TREML4: variants seen among roughly 807,000 people sequenced by gnomAD.
TREML4 encodes the protein triggering receptor expressed on myeloid cells like 4.
In TREML4, 25 loss-of-function variants were observed where a neutral mutation model predicts 25.4. That is an observed-to-expected ratio of 0.98 (90% CI 0.72 to 1.37). The LOEUF (loss-of-function observed/expected upper bound fraction) is 1.37. Among genes scored for constraint, TREML4 ranks in the 40% most tolerant of loss-of-function variants. The pLI, the probability that TREML4 is intolerant of heterozygous loss-of-function variation, is 0.00. For synonymous variants in TREML4, 92 were observed against 87.9 expected (o/e 1.05, Z -0.26); for missense variants, 268 against 236.5 (o/e 1.13, Z -0.87).
At chr6:41,229,767 A>T in intron 3 of TREML4, 196 bp downstream of exon 3, 1 of 664,714 alleles carries the variant, frequency 1.5e-6, no homozygotes, top group South Asian at 1.7e-5. Context: ...TGATCAGAAG[A>T]TCGCCATGTT....
At chr6:41,229,204 C>T (rs1219677349) in intron 2 of TREML4, among the ~76,000 whole-genome samples, 160 bp downstream of exon 2, 2 of 152,058 alleles carry the variant, frequency 1.3e-5, no homozygotes, top group Non-Finnish European at 2.9e-5. Flanking sequence ...TGGACTCTCA[C>T]CTCTCCTCCA....
intron 3 of TREML4, 77 bp from the exon 4 acceptor site, chr6:41,229,985 C>G (rs569255346): frequency 5.8e-5 from 75 of 1,287,838 alleles, no homozygotes; most frequent in Non-Finnish European, 7.5e-5. Flanking sequence ...TCCCCTTCCT[C>G]TCACACTTTT....
intron 4 of TREML4, among the ~76,000 whole-genome samples, 154 bp downstream of exon 4, chr6:41,230,276 A>G (rs1766767459): frequency 1.3e-5 from 2 of 152,182 alleles, no homozygotes; most frequent in Admixed American, 6.5e-5. Context: ...GCCATGACTC[A>G]AAATTTGGTA....
chr6:41,229,372 C>T, intron 2 of TREML4, 149 bp from the exon 3 acceptor site: 3 of 828,718 alleles, frequency 3.6e-6, no homozygotes, highest in Non-Finnish European at 6.2e-6. Flanking sequence ...ACCAACAACT[C>T]TGTCATGCAG....
intron 4 of TREML4, 135 bp from the exon 5 acceptor site, chr6:41,236,351 C>A: frequency 1.0e-5 from 7 of 675,740 alleles, no homozygotes; most frequent in South Asian, 9.2e-5. Flanking sequence ...CTGCCCCACA[C>A]CCCTCTGTCA....
In TREML4 at chr6:41,236,561, G is replaced by C. The variant is rs767367323; in HGVS notation, c.582G>C (p.Leu194=). The C allele has an allele frequency of 6.2e-7, 1 of 1,613,932 alleles. No homozygotes were observed. The highest frequency in any genetic ancestry group is 1.3e-5 in the African/African-American group (1 of 74,920). Residue 194 remains leucine (L), a synonymous_variant, in exon 5 of 6, where the codon CTG becomes CTC. Coordinates refer to ENST00000341495, the MANE Select transcript of TREML4 (RefSeq NM_198153.3). ...FLVLVLCGLL[L]AKGLML is the part of the protein sequence containing the mutation. ...TCTTGGTGCTATGTGGACTCCTCCT[G>C]GCCAAGGGCCTGATGTTGTGAGTCC...
chr6:41,231,861 G>A (rs1766806374), intron 4 of TREML4, among the ~76,000 whole-genome samples: 2 of 152,044 alleles, frequency 1.3e-5, no homozygotes, highest in African/African-American at 4.8e-5. Flanking sequence ...AATATTTGGA[G>A]AAAGAATCCA....
intron 1 of TREML4, 30 bp downstream of exon 1, chr6:41,228,520 G>C (rs1277239970): frequency 6.2e-7 from 1 of 1,604,448 alleles, no homozygotes; most frequent in South Asian, 1.1e-5. Context: ...TGCAGGGGGT[G>C]TAAGGAGTGG....
chr6:41,229,640 G>A (rs918671585), intron 3 of TREML4, 69 bp downstream of exon 3: 1 of 1,556,638 alleles, frequency 6.4e-7, no homozygotes, highest in Non-Finnish European at 8.8e-7. Context: ...TCAGATTCAG[G>A]GAAGGGGAAA....
In TREML4 at chr6:41,238,772, G is replaced by A. The variant is rs1766948923; in HGVS notation, c.*1753G>A. 1 of 152,092 alleles carries A rather than the reference G, an allele frequency of 6.6e-6. No homozygotes were observed. The highest frequency in any genetic ancestry group is 6.5e-5 in the Admixed American group (1 of 15,274). The allele number at this position is 152,092 out of a possible 1,614,324, so 9.4% of individuals were successfully genotyped here. On this transcript the variant is annotated 3_prime_UTR_variant, in exon 6 of 6. Coordinates refer to ENST00000341495, the MANE Select transcript of TREML4 (RefSeq NM_198153.3). Reference sequence around the variant, plus strand: ...TGGTATTGCCAATTAAAAAAAAAATGGAAGGCAAGAATAAACGTAGCTGAG... The same window carrying A: ...TGGTATTGCCAATTAAAAAAAAAATAGAAGGCAAGAATAAACGTAGCTGAG...
At chr6:41,236,718 A>T (rs1353060779) in intron 5 of TREML4, 101 bp downstream of exon 5, 6 of 641,532 alleles carry the variant, frequency 9.4e-6, no homozygotes, top group African/African-American at 1.8e-5. Flanking sequence ...AGAGGCAGGA[A>T]AAATGACAGC....
At chr6:41,231,717 T>A (rs1295691131) in intron 4 of TREML4, among the ~76,000 whole-genome samples, 1 of 152,080 alleles carries the variant, frequency 6.6e-6, no homozygotes, top group East Asian at 1.9e-4. Context: ...GAGTGAGGAA[T>A]TCTCATGGAA....
intron 4 of TREML4, among the ~76,000 whole-genome samples, chr6:41,234,322 C>A (rs1037833404): frequency 2.0e-5 from 3 of 151,816 alleles, no homozygotes; most frequent in African/African-American, 7.3e-5. Context: ...GTAATTAGTA[C>A]CTTTGAATAT....
intron 4 of TREML4, among the ~76,000 whole-genome samples, chr6:41,230,475 G>T (rs1050341223): frequency 1.3e-5 from 2 of 152,216 alleles, no homozygotes; most frequent in Non-Finnish European, 2.9e-5. Context: ...GGCTGGAGAT[G>T]TCAGCCAGAG....
Position 41,236,565 on chromosome 6 carries a change from A to G in TREML4, c.586A>G (p.Lys196Glu). 6.2e-7 allele frequency: 1 copy of G among 1,613,976 alleles called. No individual in the cohort carries two copies. The highest frequency in any genetic ancestry group is 8.5e-7 in the Non-Finnish European group (1 of 1,179,898). Residue 196 changes from lysine to glutamate, a missense_variant, in exon 5 of 6, where the codon AAG becomes GAG. By Grantham distance (56) the Lys-to-Glu change is moderately conservative. Transcript: ENST00000341495. Reference sequence around the variant, plus strand: ...GGTGCTATGTGGACTCCTCCTGGCCAAGGGCCTGATGTTGTGAGTCCTGTT... The same window carrying G: ...GGTGCTATGTGGACTCCTCCTGGCCGAGGGCCTGATGTTGTGAGTCCTGTT... ...VLVLCGLLLA[K>E]GLML
At chr6:41,230,212 C>A in intron 4 of TREML4, 90 bp downstream of exon 4, 1 of 1,102,986 alleles carries the variant, frequency 9.1e-7, no homozygotes, top group Non-Finnish European at 1.4e-6. Flanking sequence ...CCAGGGCACC[C>A]AGGGATCCTT....
chr6:41,233,967 CATAAAT>C (rs1275986566), intron 4 of TREML4, among the ~76,000 whole-genome samples: 3 of 151,280 alleles, frequency 2.0e-5, no homozygotes, highest in African/African-American at 7.3e-5. Flanking sequence ...ATACAGTATT[CATAAAT>C]ATAAATAGTG....
chr6:41,229,012 T>G lies in TREML4; in HGVS notation c.362T>G (p.Val121Gly). ...IYNASENIITVLRNISLVVSP... is the reference protein window; with the variant it reads ...IYNASENIITGLRNISLVVSP... The stretch of plus-strand genomic sequence containing the variant: ...AACGCTTCCGAAAACATCATCACTG[T>G]TCTTAGAAATATCAGCCTGGTGGTG... The change falls in exon 2 of 6, where the codon GTT becomes GGT. Residue 121 changes from valine to glycine, a missense_variant. Physicochemically the swap from Val to Gly is moderately radical, Grantham distance 109 (BLOSUM62 -3). Transcript: ENST00000341495. 1.2e-6 allele frequency: 2 copies of G among 1,614,002 alleles called. No homozygotes were observed. Among genetic ancestry groups the G allele is most frequent in the Non-Finnish European group, 1.7e-6 (2 of 1,179,924 alleles).
rs576065843 is a variant in TREML4, at chr6:41,228,738, A to G, written c.88A>G (p.Lys30Glu). 1 of 1,613,540 alleles carries G rather than the reference A, an allele frequency of 6.2e-7. No homozygotes were observed. The highest frequency in any genetic ancestry group is 2.2e-5 in the East Asian group (1 of 44,864). The change falls in exon 2 of 6, where the codon AAA (lysine) becomes GAA (glutamate). Residue 30 changes from lysine (K) to glutamate (E), a missense_variant. Physicochemically the swap from Lys to Glu is moderately conservative, Grantham distance 56 (BLOSUM62 1). Transcript: ENST00000341495. ...GGGTGCTGTGCCTGAAGAACTTCAC[A>G]AACACCCAGGACAGACCCTCCTCCT... is the stretch of plus-strand genomic sequence containing the variant. The part of the protein sequence containing the change: ...PQGAVPEELH[K>E]HPGQTLLLQC...
Sources: allele counts gnomAD v4.1 joint callset (sites outside exome capture counted in the v4.1 genomes callset), GRCh38; gene constraint gnomAD v4.1.1; transcripts MANE v1.5; gene names NCBI Gene and HGNC (gene_info 2026-07-23, HGNC 2026-07-21).